Variants in GALNT13 observed in about 807,000 individuals in gnomAD.
GALNT13 encodes UDP-GalNAc:polypeptide N-acetylgalactosaminyltransferase 13.
In GALNT13, 28 loss-of-function variants were observed where a neutral mutation model predicts 64.2. The ratio of observed to expected loss-of-function variants is 0.44; its 90% CI spans 0.32 to 0.60. The LOEUF is 0.60. GALNT13 is among the 20% of genes least tolerant of loss of function. The pLI is 0.05. For missense variants in GALNT13, 577 were observed against 669.8 expected, an observed-to-expected ratio of 0.86 and a Z score of 1.53; for synonymous variants, 214 against 224.6, an observed-to-expected ratio of 0.95 and a Z score of 0.42.
At chr2:153,929,656 A>G (rs1023720320) in intron 2 of GALNT13, among the ~76,000 whole-genome samples, 2 of 152,108 alleles carry the variant, frequency 1.3e-5, no homozygotes, top group African/African-American at 4.8e-5. Context: ...AGCTCCATCC[A>G]TGTTGCTGCA....
chr2:153,488,018 A>G, the GALNT13 span, among the ~76,000 whole-genome samples: 1 of 152,222 alleles, frequency 6.6e-6, no homozygotes, highest in South Asian at 2.1e-4. Flanking sequence ...TGGGAACAGC[A>G]TAAAGTCTTA....
At chr2:154,406,567 A>G (rs1029663322) in intron 10 of GALNT13, among the ~76,000 whole-genome samples, 2 of 152,142 alleles carry the variant, frequency 1.3e-5, no homozygotes, top group African/African-American at 4.8e-5. Flanking sequence ...TCCATAGATG[A>G]AAATATGGTT....
chr2:154,258,596 G>A (rs939978989), intron 7 of GALNT13, among the ~76,000 whole-genome samples: 2 of 151,346 alleles, frequency 1.3e-5, no homozygotes, highest in Non-Finnish European at 2.9e-5. Context: ...TCTTTTCATA[G>A]TGAAACCATG....
chr2:153,871,256 T>C (rs1179079781), upstream of GALNT13, among the ~76,000 whole-genome samples: 1 of 152,180 alleles, frequency 6.6e-6, no homozygotes, highest in African/African-American at 2.4e-5. Context: ...TACCTCTTCA[T>C]AAAAATTTGA....
At chr2:153,860,424 G>A in the GALNT13 span, among the ~76,000 whole-genome samples, 2 of 150,450 alleles carry the variant, frequency 1.3e-5, no homozygotes, top group Middle Eastern at 3.4e-3. Flanking sequence ...GACTATTTAG[G>A]ACCAAATCAG....
chr2:153,160,765 T>C, the GALNT13 span, among the ~76,000 whole-genome samples: 1 of 152,160 alleles, frequency 6.6e-6, no homozygotes, highest in Non-Finnish European at 1.5e-5. Context: ...ATAAGTAATA[T>C]AGATCCCCTT....
At chr2:153,582,785 A>G in the GALNT13 span, among the ~76,000 whole-genome samples, 330 of 152,242 alleles carry the variant, frequency 2.2e-3, 4 homozygotes, top group African/African-American at 7.8e-3. Flanking sequence ...TTAAGCATCC[A>G]TTTTCAAGGA....
At chr2:153,520,314 G>T in the GALNT13 span, among the ~76,000 whole-genome samples, 2 of 131,792 alleles carry the variant, frequency 1.5e-5, no homozygotes, top group African/African-American at 5.7e-5. Context: ...ATCCTAATTG[G>T]TTGGGAAGGT....
chr2:153,732,798 G>T, the GALNT13 span, among the ~76,000 whole-genome samples: 1 of 152,004 alleles, frequency 6.6e-6, no homozygotes, highest in African/African-American at 2.4e-5. Context: ...TGGATCTCAA[G>T]AAAAGTGGAT....
At chr2:153,084,728 C>T in the GALNT13 span, among the ~76,000 whole-genome samples, 68 of 152,156 alleles carry the variant, frequency 4.5e-4, no homozygotes, top group Non-Finnish European at 8.8e-4. Flanking sequence ...TGTGAGGCCT[C>T]CCCAGCCATG....
chr2:153,833,205 A>C, the GALNT13 span, among the ~76,000 whole-genome samples: 3 of 152,142 alleles, frequency 2.0e-5, no homozygotes, highest in African/African-American at 7.2e-5. Context: ...GCAGTGCTTG[A>C]ATTCATGTAA....
chr2:153,284,399 C>T, the GALNT13 span, among the ~76,000 whole-genome samples: 40 of 152,288 alleles, frequency 2.6e-4, no homozygotes, highest in Non-Finnish European at 2.1e-4. Context: ...GCACCTCAAC[C>T]TCTGGACTGA....
At chr2:153,324,613 T>C in the GALNT13 span, among the ~76,000 whole-genome samples, 12 of 152,208 alleles carry the variant, frequency 7.9e-5, no homozygotes, top group Admixed American at 6.5e-4. Flanking sequence ...ATATTGGCTG[T>C]GGGTTTGTCA....
At chr2:153,464,529 A>T in the GALNT13 span, among the ~76,000 whole-genome samples, 4 of 152,132 alleles carry the variant, frequency 2.6e-5, no homozygotes, top group African/African-American at 9.7e-5. Flanking sequence ...ATCAAACTCT[A>T]GCACTCACAA....
At chr2:154,025,509 GTTA>G (rs1697890245) in intron 3 of GALNT13, among the ~76,000 whole-genome samples, 2 of 149,982 alleles carry the variant, frequency 1.3e-5, no homozygotes, top group African/African-American at 4.9e-5. Context: ...TTTACATTGT[GTTA>G]TTTTTATGTA....
At chr2:153,604,875 A>G in the GALNT13 span, among the ~76,000 whole-genome samples, 1 of 152,078 alleles carries the variant, frequency 6.6e-6, no homozygotes, top group Non-Finnish European at 1.5e-5. Context: ...CAAGAAACAC[A>G]TAATTCTCAT....
At chr2:153,161,082 T>G in the GALNT13 span, among the ~76,000 whole-genome samples, 1 of 152,198 alleles carries the variant, frequency 6.6e-6, no homozygotes, top group Non-Finnish European at 1.5e-5. Flanking sequence ...TCTAGACTTA[T>G]TCCAACAATT....
At chr2:154,265,530 C>G (rs1690944130) in intron 8 of GALNT13, among the ~76,000 whole-genome samples, 3 of 152,038 alleles carry the variant, frequency 2.0e-5, no homozygotes, top group Middle Eastern at 3.2e-3. Context: ...GAAACCCTGT[C>G]TCTACTAAAA....
chr2:154,386,743 TG>T (rs1358204265), intron 9 of GALNT13, among the ~76,000 whole-genome samples: 1 of 152,100 alleles, frequency 6.6e-6, no homozygotes, highest in Non-Finnish European at 1.5e-5. Flanking sequence ...GATATCAAAT[TG>T]TTCTTTTATT....
Sources: allele counts gnomAD v4.1 joint callset (sites outside exome capture counted in the v4.1 genomes callset), GRCh38; gene constraint gnomAD v4.1.1; transcripts MANE v1.5; gene names NCBI Gene and HGNC (gene_info 2026-07-23, HGNC 2026-07-21).